TMEM132D: variants seen among roughly 807,000 people sequenced by gnomAD.
TMEM132D encodes the protein transmembrane protein 132D.
In TMEM132D, 21 loss-of-function variants were observed where a neutral mutation model predicts 62.3. That is an observed-to-expected ratio of 0.34 (90% CI 0.24 to 0.49). TMEM132D has a LOEUF of 0.49. Among genes scored for constraint, TMEM132D ranks in the 20% least tolerant of loss-of-function variants. TMEM132D has a pLI of 0.99. For missense variants in TMEM132D, 1,346 were observed against 1,402.8 expected (o/e 0.96, Z 0.65); for synonymous variants, 621 against 575.6 (o/e 1.08, Z -1.13).
At chr12:129,207,315 G>A (rs534257042) in intron 5 of TMEM132D, among the ~76,000 whole-genome samples, 20 of 151,938 alleles carry the variant, frequency 1.3e-4, no homozygotes, top group African/African-American at 4.4e-4. Flanking sequence ...ATACAGCACC[G>A]CCCTCACAGA....
chr12:129,168,654 A>T (rs1877631983), intron 5 of TMEM132D, among the ~76,000 whole-genome samples: 2 of 152,072 alleles, frequency 1.3e-5, no homozygotes. Context: ...GGCTCTACAG[A>T]CATTTAAGGT....
chr12:129,561,430 T>A (rs915889380), intron 2 of TMEM132D, among the ~76,000 whole-genome samples: 2 of 152,194 alleles, frequency 1.3e-5, no homozygotes, highest in Admixed American at 1.3e-4. Context: ...GCATGGAATC[T>A]CAGCTGTTCT....
chr12:129,474,268 T>C (rs968184149), intron 3 of TMEM132D, among the ~76,000 whole-genome samples: 3 of 152,224 alleles, frequency 2.0e-5, no homozygotes, highest in African/African-American at 7.2e-5. Flanking sequence ...TGCTCCCTCC[T>C]AACACATTAC....
At chr12:129,336,569 CAAAAAGA>C (rs559817528) in intron 4 of TMEM132D, among the ~76,000 whole-genome samples, 1,608 of 149,298 alleles carry the variant, frequency 0.011, 36 homozygotes, top group African/African-American at 0.038. Context: ...GGCACTCCGT[CAAAAAGA>C]AAAAAAAAAG....
At chr12:129,122,985 A>G (rs571037428) in intron 5 of TMEM132D, among the ~76,000 whole-genome samples, 2 of 152,360 alleles carry the variant, frequency 1.3e-5, no homozygotes, top group African/African-American at 4.8e-5. Flanking sequence ...TACAGCTTAC[A>G]TATAAGAAAG....
At chr12:129,208,278 G>A (rs1878916868) in intron 5 of TMEM132D, among the ~76,000 whole-genome samples, 2 of 152,212 alleles carry the variant, frequency 1.3e-5, no homozygotes, top group South Asian at 4.1e-4. Flanking sequence ...GCTTGGGTGT[G>A]CAGAGAGGGG....
chr12:129,563,086 G>A (rs1877281114), intron 2 of TMEM132D, among the ~76,000 whole-genome samples: 1 of 152,184 alleles, frequency 6.6e-6, no homozygotes, highest in South Asian at 2.1e-4. Flanking sequence ...CAACAAGTAT[G>A]CTGATAAAAT....
At chr12:129,355,314 C>G (rs536486355) in intron 3 of TMEM132D, among the ~76,000 whole-genome samples, 1 of 151,428 alleles carries the variant, frequency 6.6e-6, no homozygotes, top group East Asian at 1.9e-4. Context: ...AATAGAAACT[C>G]AACATAGTAG....
At chr12:129,715,599 G>A (rs999670974) in intron 1 of TMEM132D, among the ~76,000 whole-genome samples, 2 of 152,144 alleles carry the variant, frequency 1.3e-5, no homozygotes, top group African/African-American at 4.8e-5. Context: ...TACAGGGTGG[G>A]ATCAACCTGC....
intron 5 of TMEM132D, among the ~76,000 whole-genome samples, chr12:129,188,249 T>G (rs1487015563): frequency 6.6e-6 from 1 of 151,994 alleles, no homozygotes; most frequent in East Asian, 1.9e-4. Flanking sequence ...TGCTGTTGCC[T>G]TGTTAGCAGG....
chr12:129,712,541 G>T (rs1235685999), intron 1 of TMEM132D, among the ~76,000 whole-genome samples: 1 of 152,174 alleles, frequency 6.6e-6, no homozygotes, highest in Non-Finnish European at 1.5e-5. Context: ...AGCTTGCTGC[G>T]CTCCTGAAAT....
intron 2 of TMEM132D, among the ~76,000 whole-genome samples, chr12:129,624,704 G>T (rs956258990): frequency 1.1e-4 from 17 of 151,708 alleles, no homozygotes; most frequent in Non-Finnish European, 1.5e-4. Flanking sequence ...GACAGCAAAA[G>T]AGTCCATGCT....
chr12:129,629,431 C>T (rs1003138059), intron 2 of TMEM132D, among the ~76,000 whole-genome samples: 1 of 152,214 alleles, frequency 6.6e-6, no homozygotes, highest in Non-Finnish European at 1.5e-5. Flanking sequence ...ACAGAGATTT[C>T]AGAAATGAAT....
intron 3 of TMEM132D, among the ~76,000 whole-genome samples, chr12:129,452,218 A>G (rs1374525336): frequency 6.6e-6 from 1 of 152,228 alleles, no homozygotes; most frequent in South Asian, 2.1e-4. Flanking sequence ...GCAGTGCGTA[A>G]TAGCGCCTGT....
chr12:129,502,526 G>C (rs1442990372), intron 3 of TMEM132D, among the ~76,000 whole-genome samples: 1 of 151,554 alleles, frequency 6.6e-6, no homozygotes, highest in African/African-American at 2.4e-5. Flanking sequence ...TATTGACTTC[G>C]GGCATAACTA....
intron 2 of TMEM132D, among the ~76,000 whole-genome samples, chr12:129,671,835 G>A (rs540099703): frequency 1.4e-4 from 21 of 152,304 alleles, no homozygotes; most frequent in African/African-American, 4.3e-4. Flanking sequence ...AAAGGAAAAC[G>A]CAAGGCAGCA....
chr12:129,571,646 G>C, intron 2 of TMEM132D, among the ~76,000 whole-genome samples: 1 of 152,006 alleles, frequency 6.6e-6, no homozygotes, highest in Non-Finnish European at 1.5e-5. Context: ...ACAAACAGCA[G>C]AAGTGGCTTG....
chr12:129,121,257 G>C (rs1201773040), intron 5 of TMEM132D, among the ~76,000 whole-genome samples: 1 of 151,860 alleles, frequency 6.6e-6, no homozygotes, highest in African/African-American at 2.4e-5. Flanking sequence ...CACCATGCCT[G>C]GCTAATTTTT....
At chr12:129,823,086 C>T (rs1465160145) in intron 1 of TMEM132D, among the ~76,000 whole-genome samples, 2 of 152,106 alleles carry the variant, frequency 1.3e-5, no homozygotes, top group African/African-American at 4.8e-5. Flanking sequence ...AAGTATGTGG[C>T]ACCTCGCACA....
Sources: gnomAD v4.1 joint callset for allele counts (sites outside exome capture counted in the v4.1 genomes callset) on GRCh38, gnomAD v4.1.1 for gene constraint, MANE v1.5 for transcripts, NCBI Gene and HGNC (gene_info 2026-07-23, HGNC 2026-07-21) for gene names.